The following DPP6 variants were observed in gnomAD, a reference collection of about 807,000 sequenced individuals.
DPP6 encodes dipeptidyl peptidase like 6.
Under a neutral mutation model 122.6 loss-of-function variants are expected in DPP6, and 69 were observed. That is an observed-to-expected ratio of 0.56 (90% CI 0.46 to 0.69). The LOEUF (loss-of-function observed/expected upper bound fraction) is 0.69. Among genes scored for constraint, DPP6 ranks in the 30% least tolerant of loss-of-function variants. DPP6 has a pLI of 0.00. For missense variants in DPP6, 928 were observed against 1,116.9 expected, an observed-to-expected ratio of 0.83 and a Z score of 2.41; for synonymous variants, 418 against 433.1, an observed-to-expected ratio of 0.97 and a Z score of 0.43.
rs553134353 is a variant in DPP6 at position 154,725,053 on chromosome 7, G to A, written c.763-2714G>A. Among the ~76,000 whole-genome samples the A allele has an allele frequency of 3.9e-5, 6 of 152,190 alleles. No homozygotes were observed. The South Asian group carries it at 6.2e-4, about 16-fold the overall frequency. ...CCAGAACTCCACAATCTTCCTATCA[G>A]ACCACTGTCCTGCTTAGAGTCTGGC... On this transcript the variant is annotated intron_variant, in intron 7 of 25. Transcript: ENST00000377770.
At chr7:153,906,535 C>T (rs976866663) in intron 1 of DPP6, among the ~76,000 whole-genome samples, 9 of 152,196 alleles carry the variant, frequency 5.9e-5, no homozygotes, top group African/African-American at 2.2e-4. Flanking sequence ...GCTGCAGCCT[C>T]GGCCTCCCAG....
intron 3 of DPP6, among the ~76,000 whole-genome samples, chr7:154,520,387 G>A (rs545893245): frequency 4.0e-4 from 61 of 152,336 alleles, no homozygotes; most frequent in Non-Finnish European, 8.8e-4. Context: ...AAGAGGAGAG[G>A]GGACTATCAT....
intron 1 of DPP6, among the ~76,000 whole-genome samples, chr7:154,302,011 G>T (rs964538358): frequency 1.1e-4 from 16 of 151,976 alleles, no homozygotes; most frequent in African/African-American, 3.6e-4. Context: ...CAGAGACGGG[G>T]TTTCACCATG....
intron 1 of DPP6, among the ~76,000 whole-genome samples, chr7:154,303,272 G>A (rs932256551): frequency 1.3e-5 from 2 of 152,192 alleles, no homozygotes; most frequent in Non-Finnish European, 2.9e-5. Context: ...CTGTGACTGA[G>A]GTCCTCCAGG....
chr7:154,104,864 T>G (rs1377319473), intron 1 of DPP6, among the ~76,000 whole-genome samples: 1 of 151,958 alleles, frequency 6.6e-6, no homozygotes, highest in Non-Finnish European at 1.5e-5. Flanking sequence ...GGCATACCTC[T>G]GTGTGTGTGC....
the DPP6 span, among the ~76,000 whole-genome samples, chr7:153,849,555 CT>C: frequency 6.6e-6 from 1 of 151,820 alleles, no homozygotes; most frequent in Non-Finnish European, 1.5e-5. Context: ...TTTTATCCAT[CT>C]TTTTTTTGAA....
At chr7:154,371,396 A>AAG (rs1812653984) in intron 1 of DPP6, among the ~76,000 whole-genome samples, 1 of 141,286 alleles carries the variant, frequency 7.1e-6, no homozygotes, top group Non-Finnish European at 1.5e-5. Flanking sequence ...AAAAAAAAAA[A>AAG]AAAAAAAAGA....
intron 2 of DPP6, among the ~76,000 whole-genome samples, chr7:154,462,023 G>T (rs1275316529): frequency 6.6e-6 from 1 of 151,972 alleles, no homozygotes. Context: ...AATCCATTTT[G>T]ATTTGATTTT....
intron 1 of DPP6, among the ~76,000 whole-genome samples, chr7:154,124,553 G>C (rs1807736401): frequency 2.6e-5 from 4 of 152,224 alleles, no homozygotes; most frequent in Admixed American, 2.6e-4. Context: ...AGACATTGAT[G>C]TATTTTCAAC....
At chr7:153,833,128 G>A in the DPP6 span, among the ~76,000 whole-genome samples, 11 of 152,266 alleles carry the variant, frequency 7.2e-5, no homozygotes, top group East Asian at 3.9e-4. Flanking sequence ...ATGGCAATGC[G>A]AAAATGTTGA....
intron 5 of DPP6, among the ~76,000 whole-genome samples, chr7:154,604,226 T>C (rs1833512716): frequency 8.3e-6 from 1 of 120,208 alleles, no homozygotes; most frequent in African/African-American, 2.6e-5. Context: ...GTAGTTTTTA[T>C]CATAATCTTG....
intron 1 of DPP6, among the ~76,000 whole-genome samples, chr7:154,364,219 C>T (rs1177877741): frequency 6.6e-6 from 1 of 152,124 alleles, no homozygotes; most frequent in Non-Finnish European, 1.5e-5. Flanking sequence ...CCAACTTTGA[C>T]AAAAAAGTGG....
chr7:154,749,472 A>G (rs11770390), intron 8 of DPP6, among the ~76,000 whole-genome samples: 236 of 105,738 alleles, frequency 2.2e-3, no homozygotes, highest in East Asian at 0.013. Flanking sequence ...AGAGGGTGAG[A>G]GAGCATAGGA....
chr7:154,588,813 T>C (rs1429038670), intron 5 of DPP6, among the ~76,000 whole-genome samples: 1 of 151,850 alleles, frequency 6.6e-6, no homozygotes, highest in African/African-American at 2.4e-5. Context: ...GCTTAGTGGG[T>C]AAACATTTTC....
the DPP6 span, among the ~76,000 whole-genome samples, chr7:153,788,037 G>C: frequency 4.6e-5 from 7 of 152,038 alleles, no homozygotes; most frequent in Non-Finnish European, 8.8e-5. Flanking sequence ...ACCTTCATCA[G>C]ATTTTCTTTT....
the DPP6 span, among the ~76,000 whole-genome samples, chr7:153,817,263 T>A: frequency 6.8e-6 from 1 of 147,944 alleles, no homozygotes; most frequent in Non-Finnish European, 1.5e-5. Flanking sequence ...AGGCAGCAGG[T>A]GCATTTCATT....
chr7:153,876,404 TCACA>T, the DPP6 span, among the ~76,000 whole-genome samples: 100,370 of 150,502 alleles, frequency 0.67, 33,454 homozygotes, highest in South Asian at 0.74. Flanking sequence ...TGAAAACAAA[TCACA>T]CACACACACA....
chr7:154,660,095 T>C (rs73165073), intron 6 of DPP6, among the ~76,000 whole-genome samples: 5,522 of 152,318 alleles, frequency 0.036, 157 homozygotes, highest in African/African-American at 0.07. Flanking sequence ...AAATGCATCT[T>C]AGCTTATGGA....
intron 7 of DPP6, among the ~76,000 whole-genome samples, chr7:154,716,282 C>T (rs1184102279): frequency 3.3e-5 from 5 of 151,928 alleles, no homozygotes. Flanking sequence ...GCTTCTCCCA[C>T]CTGGAACACA....
Sources: allele counts gnomAD v4.1 joint callset (sites outside exome capture counted in the v4.1 genomes callset), GRCh38; gene constraint gnomAD v4.1.1; transcripts MANE v1.5; gene names NCBI Gene and HGNC (gene_info 2026-07-23, HGNC 2026-07-21).